Variants in ITGBL1 observed in about 807,000 individuals in gnomAD.
ITGBL1 encodes the protein integrin subunit beta like 1, also known as integrin beta-like protein 1.
A neutral mutation model predicts 68.5 loss-of-function variants in ITGBL1; 51 were observed. The observed-to-expected ratio is 0.74, with a 90% confidence interval of 0.59 to 0.94. The LOEUF is 0.94. Ranked by LOEUF, ITGBL1 falls within the 40% of genes least tolerant of loss-of-function variation. The pLI is 0.00. For synonymous variants in ITGBL1, 209 were observed against 227.3 expected, an observed-to-expected ratio of 0.92 and a Z score of 0.72; for missense variants, 649 against 647.4, an observed-to-expected ratio of 1.00 and a Z score of -0.03.
chr13:101,685,505 T>C (rs1434595676), intron 7 of ITGBL1, among the ~76,000 whole-genome samples: 1 of 152,130 alleles, frequency 6.6e-6, no homozygotes, highest in Non-Finnish European at 1.5e-5. Flanking sequence ...ATATTGTTTG[T>C]CTAATTTTTA....
At chr13:101,568,219 C>T (rs778466454) in intron 3 of ITGBL1, among the ~76,000 whole-genome samples, 16 of 152,022 alleles carry the variant, frequency 1.1e-4, no homozygotes, top group Non-Finnish European at 2.2e-4. Context: ...TTTACCTTCG[C>T]AAAATAGAAC....
chr13:101,453,639 G>A (rs755771433), intron 1 of ITGBL1, among the ~76,000 whole-genome samples: 1 of 152,194 alleles, frequency 6.6e-6, no homozygotes, highest in Non-Finnish European at 1.5e-5. Flanking sequence ...TGTGTCCGGG[G>A]GCAGGTCACC....
chr13:101,534,396 G>A (rs1419556620), intron 2 of ITGBL1, among the ~76,000 whole-genome samples: 1 of 152,090 alleles, frequency 6.6e-6, no homozygotes, highest in Admixed American at 6.6e-5. Context: ...TAGGTTGAGG[G>A]CAACACACTA....
At chr13:101,716,513 G>A (rs1594012189), downstream of ITGBL1, 1 of 151,988 alleles carries the variant, frequency 6.6e-6, no homozygotes, top group Non-Finnish European at 1.5e-5. Context: ...ATCTATTTTA[G>A]GTTTCTAGAA....
At chr13:101,686,195 C>T (rs758647598) in intron 7 of ITGBL1, among the ~76,000 whole-genome samples, 2 of 152,052 alleles carry the variant, frequency 1.3e-5, no homozygotes, top group Admixed American at 6.6e-5. Flanking sequence ...TTACTCCTCC[C>T]GGCAACCACC....
intron 7 of ITGBL1, among the ~76,000 whole-genome samples, chr13:101,681,039 A>T (rs1270751117): frequency 6.6e-6 from 1 of 152,154 alleles, no homozygotes; most frequent in Non-Finnish European, 1.5e-5. Flanking sequence ...GTGTTAAAAC[A>T]TCCTTCTTTC....
At chr13:101,477,701 T>C (rs1204868366) in intron 2 of ITGBL1, among the ~76,000 whole-genome samples, 1 of 151,976 alleles carries the variant, frequency 6.6e-6, no homozygotes, top group East Asian at 1.9e-4. Flanking sequence ...ACTATATATA[T>C]GCCAATAAAT....
intron 7 of ITGBL1, among the ~76,000 whole-genome samples, chr13:101,599,005 T>C (rs1003424647): frequency 5.9e-5 from 9 of 152,280 alleles, no homozygotes; most frequent in African/African-American, 1.7e-4. Flanking sequence ...CCTGAGGAAT[T>C]GTCACACCGA....
At chr13:101,581,266 A>C (rs1002923960) in intron 5 of ITGBL1, among the ~76,000 whole-genome samples, 16 of 152,192 alleles carry the variant, frequency 1.1e-4, no homozygotes, top group African/African-American at 3.6e-4. Context: ...TCTTCGTCAC[A>C]TCTGCATAGC....
In ITGBL1 at chr13:101,564,003, T is replaced by TA. The variant is rs1247417874; in HGVS notation, c.317-3690dup. 4.0e-5 allele frequency among the ~76,000 whole-genome samples: 6 copies of TA among 151,852 alleles called. No homozygotes were observed. In the East Asian group the frequency reaches 7.7e-4, roughly 20 times the overall value. On this transcript the variant is annotated intron_variant, in intron 2 of 10. Coordinates refer to ENST00000376180, the MANE Select transcript of ITGBL1 (RefSeq NM_004791.3). ...TCAAGATGCAAGGCTGGTACAACAT[T>TA]AAAAAATCAACCAATGTATTTCACT...
intron 2 of ITGBL1, among the ~76,000 whole-genome samples, chr13:101,516,820 G>T (rs899536052): frequency 2.6e-5 from 4 of 151,954 alleles, no homozygotes; most frequent in Non-Finnish European, 4.4e-5. Flanking sequence ...AACTGATTTG[G>T]GTTCCTAAGT....
At chr13:101,461,462 G>A (rs952633292) in intron 2 of ITGBL1, among the ~76,000 whole-genome samples, 1 of 152,148 alleles carries the variant, frequency 6.6e-6, no homozygotes, top group African/African-American at 2.4e-5. Context: ...GGGAAGTTGA[G>A]GTGGGAGGAT....
chr13:101,499,523 C>T (rs117020081), intron 2 of ITGBL1, among the ~76,000 whole-genome samples: 5 of 152,268 alleles, frequency 3.3e-5, no homozygotes, highest in Non-Finnish European at 5.9e-5. Context: ...TCCTTAAGTT[C>T]GTTTCTCCCG....
At chr13:101,659,896 T>A (rs2139475654) in intron 7 of ITGBL1, among the ~76,000 whole-genome samples, 1 of 152,326 alleles carries the variant, frequency 6.6e-6, no homozygotes, top group Admixed American at 6.5e-5. Flanking sequence ...CAGCCTCAGA[T>A]GAGCTCAATC....
chr13:101,465,825 AT>A (rs2139631980), intron 2 of ITGBL1, among the ~76,000 whole-genome samples: 1 of 152,334 alleles, frequency 6.6e-6, no homozygotes, highest in South Asian at 2.1e-4. Flanking sequence ...TGTTCAGTGA[AT>A]AAATGAGATT....
At position 101,624,786 on chromosome 13, in the gene ITGBL1, C is replaced by T. The variant is rs1045491732; in HGVS notation, c.1015+26487C>T. On this transcript the variant is annotated intron_variant, in intron 7 of 10. Coordinates refer to ENST00000376180, the MANE Select transcript of ITGBL1 (RefSeq NM_004791.3). Reference sequence around the variant, plus strand: ...TTCCGGAAGGTGAAGGAGAACCTCCCCATCAGGGGGCTGCAATGTTCCAAA... The same window carrying T: ...TTCCGGAAGGTGAAGGAGAACCTCCTCATCAGGGGGCTGCAATGTTCCAAA... 1.6e-4 allele frequency among the ~76,000 whole-genome samples: 24 copies of T among 152,268 alleles called. No homozygotes were observed. The East Asian group carries it at 4.4e-3, about 28-fold the overall frequency.
intron 2 of ITGBL1, among the ~76,000 whole-genome samples, chr13:101,483,193 AT>A (rs1166637351): frequency 8.1e-6 from 1 of 123,040 alleles, no homozygotes; most frequent in Non-Finnish European, 2.0e-5. Context: ...GGACAGAGAA[AT>A]TATCTCACCT....
At chr13:101,632,359 C>A (rs867910013) in intron 7 of ITGBL1, among the ~76,000 whole-genome samples, 35 of 152,182 alleles carry the variant, frequency 2.3e-4, no homozygotes, top group African/African-American at 7.9e-4. Flanking sequence ...ATGAGTTATC[C>A]CTGCACAACC....
chr13:101,462,594 T>G (rs745407403), intron 2 of ITGBL1, among the ~76,000 whole-genome samples: 1 of 152,146 alleles, frequency 6.6e-6, no homozygotes, highest in Admixed American at 6.5e-5. Context: ...ATATCATTAT[T>G]TTTTTTGAGT....
Sources: gnomAD v4.1 joint callset for allele counts (sites outside exome capture counted in the v4.1 genomes callset) on GRCh38, gnomAD v4.1.1 for gene constraint, MANE v1.5 for transcripts, NCBI Gene and HGNC (gene_info 2026-07-23, HGNC 2026-07-21) for gene names.